The following TICRR variants were observed in gnomAD, a reference collection of about 807,000 sequenced individuals.
TICRR encodes treslin.
TICRR carries 132 observed loss-of-function variants against 178.1 expected under a neutral mutation model. That is an observed-to-expected ratio of 0.74 (90% confidence interval 0.64 to 0.86). TICRR has a LOEUF of 0.86. Among genes scored for constraint, TICRR ranks in the 40% least tolerant of loss-of-function variants. The probability of loss-of-function intolerance (pLI) is 0.00; values close to 1 mark genes in which losing one functional copy is unlikely to be tolerated. For missense variants in TICRR, 2,587 were observed against 2,334.3 expected (o/e 1.11, Z -2.23); for synonymous variants, 991 against 900.7 (o/e 1.10, Z -1.79).
intron 2 of TICRR, 89 bp from the exon 3 acceptor site, chr15:89,584,186 TTATTAAATCTC>T: frequency 4.2e-6 from 5 of 1,185,100 alleles, no homozygotes; most frequent in Non-Finnish European, 5.8e-6. Context: ...TTTCTTATTG[TTATTAAATCTC>T]TTTTTAGTAT....
intron 13 of TICRR, among the ~76,000 whole-genome samples, chr15:89,605,626 A>G (rs955858995): frequency 1.3e-5 from 2 of 152,188 alleles, no homozygotes; most frequent in African/African-American, 4.8e-5. Context: ...CCAAAGTGCT[A>G]GGATTACAGG....
intron 7 of TICRR, 144 bp downstream of exon 7, chr15:89,595,755 ATTC>A: frequency 3.1e-6 from 2 of 653,546 alleles, no homozygotes; most frequent in Non-Finnish European, 5.2e-6. Flanking sequence ...ATAATGTGCT[ATTC>A]TTAGATTTAT....
At chr15:89,615,081 A>T (rs1464202897) in intron 15 of TICRR, among the ~76,000 whole-genome samples, 2 of 152,204 alleles carry the variant, frequency 1.3e-5, no homozygotes, top group Non-Finnish European at 1.5e-5. Context: ...GTGATGTCTC[A>T]TTCCCCAATT....
intron 17 of TICRR, among the ~76,000 whole-genome samples, chr15:89,618,617 C>G (rs545301949): frequency 6.6e-6 from 1 of 152,202 alleles, no homozygotes; most frequent in African/African-American, 2.4e-5. Context: ...ATTCCGTGCC[C>G]CCAACACACA....
chr15:89,615,326 G>A (rs1461893174), intron 15 of TICRR, among the ~76,000 whole-genome samples: 1 of 152,190 alleles, frequency 6.6e-6, no homozygotes, highest in African/African-American at 2.4e-5. Flanking sequence ...TGAGAATGGA[G>A]TTTTGGAGGA....
chr15:89,602,898 T>G lies in TICRR; in HGVS notation c.2664+6T>G. 6.8e-7 allele frequency: 1 copy of G among 1,479,598 alleles called. No individual in the cohort carries two copies. Among genetic ancestry groups the G allele is most frequent in the Non-Finnish European group, 9.0e-7 (1 of 1,107,930 alleles). The allele number at this position is 1,479,598 out of a possible 1,614,324, so 91.7% of individuals were successfully genotyped here. ...CAAAGAGAGCTACGAAAAAAGTAAG[T>G]AAACCTTCCAGCTTGAGATGACACA... On this transcript the variant is annotated splice_donor_region_variant and intron_variant, in intron 13 of 21. Coordinates refer to ENST00000268138, the MANE Select transcript of TICRR (RefSeq NM_152259.4).
In TICRR at chr15:89,601,407, C is replaced by G. The variant is rs775390905; in HGVS notation, c.2247+16C>G. 1 of 1,613,230 alleles carries G rather than the reference C, an allele frequency of 6.2e-7. No homozygotes were observed. Among genetic ancestry groups the G allele is most frequent in the Admixed American group, 1.7e-5 (1 of 59,996 alleles). On this transcript the variant is annotated intron_variant, in intron 10 of 21. Coordinates refer to ENST00000268138, the MANE Select transcript of TICRR (RefSeq NM_152259.4). ...AGTGGAGGAGGCAAGTATATAGTTTCGTGCCATTGAAATACGCCCTAGATG... is the reference window on the plus strand; with the variant it reads ...AGTGGAGGAGGCAAGTATATAGTTTGGTGCCATTGAAATACGCCCTAGATG...
Position 89,627,519 on chromosome 15 carries a change from G to C in TICRR, c.*433G>C, listed in dbSNP as rs764429332. ...CTTTGTAAACTGTGAAGCCATATAC[G>C]TGAAACTGAAGAGTGCATTGGGCAG... On this transcript the variant is annotated 3_prime_UTR_variant, in exon 22 of 22. Transcript: ENST00000268138. 5.7e-6 allele frequency: 1 copy of C among 174,188 alleles called. No individual in the cohort carries two copies. The highest frequency in any genetic ancestry group is 5.8e-5 in the Admixed American group (1 of 17,298). The allele number at this position is 174,188 out of a possible 1,614,324, so 10.8% of individuals were successfully genotyped here.
In TICRR at chr15:89,585,918, T is replaced by C; in HGVS notation, c.1387T>C (p.Ser463Pro). 1 of 1,614,112 alleles carries C rather than the reference T, an allele frequency of 6.2e-7. No homozygotes were observed. The highest frequency in any genetic ancestry group is 8.5e-7 in the Non-Finnish European group (1 of 1,179,950). Residue 463 changes from serine (S) to proline (P), a missense_variant, in exon 4 of 22, where the codon TCG becomes CCG. By Grantham distance (74) the Ser-to-Pro change is moderately conservative (BLOSUM62 -1). Transcript: ENST00000268138. ...VDSILNQTHDSLADTASAASP... is the reference protein window; with the variant it reads ...VDSILNQTHDPLADTASAASP... ...TAGTATATTGAATCAGACTCATGATTCGCTTGCAGATACTGCTTCTGCTGG... is the reference window on the plus strand; with the variant it reads ...TAGTATATTGAATCAGACTCATGATCCGCTTGCAGATACTGCTTCTGCTGG...
intron 19 of TICRR, among the ~76,000 whole-genome samples, chr15:89,622,923 C>T (rs1963450457): frequency 6.6e-6 from 1 of 152,230 alleles, no homozygotes; most frequent in South Asian, 2.1e-4. Context: ...CTCGCATGTC[C>T]CTGTCACTGC....
In TICRR at chr15:89,624,605, A is replaced by C. The variant is rs768452769; in HGVS notation, c.4295A>C (p.Gln1432Pro). Reference sequence around the variant, plus strand: ...CAGAAGGGACTGAGCCTCTCTCCTCAGTCTCCTCCTGAAAGACGGGGCTAC... The same window carrying C: ...CAGAAGGGACTGAGCCTCTCTCCTCCGTCTCCTCCTGAAAGACGGGGCTAC... ...DDQKGLSLSP[Q>P]SPPERRGYPG... The change falls in exon 20 of 22, where the codon CAG becomes CCG. Residue 1432 changes from glutamine to proline, a missense_variant. Coordinates refer to ENST00000268138, the MANE Select transcript of TICRR (RefSeq NM_152259.4). The C allele has an allele frequency of 1.8e-5, 29 of 1,613,828 alleles. No homozygotes were observed. In the South Asian group the frequency reaches 3.1e-4, roughly 17 times the overall value.
intron 14 of TICRR, among the ~76,000 whole-genome samples, chr15:89,608,307 A>G (rs1268864985): frequency 1.3e-5 from 2 of 152,214 alleles, no homozygotes; most frequent in African/African-American, 4.8e-5. Flanking sequence ...AAACAGACTC[A>G]AGAAGAAATA....
intron 5 of TICRR, among the ~76,000 whole-genome samples, chr15:89,592,704 C>G (rs1962933180): frequency 1.3e-5 from 2 of 152,010 alleles, no homozygotes; most frequent in African/African-American, 4.8e-5. Flanking sequence ...TTTGAAAAGC[C>G]AAATAAAATA....
intron 7 of TICRR, among the ~76,000 whole-genome samples, chr15:89,596,281 C>A (rs1375876895): frequency 6.6e-6 from 1 of 151,962 alleles, no homozygotes; most frequent in Admixed American, 6.6e-5. Flanking sequence ...AATATTTATG[C>A]CTTCCATCTC....
At chr15:89,608,508 T>C (rs1311466625) in intron 14 of TICRR, among the ~76,000 whole-genome samples, 2 of 152,176 alleles carry the variant, frequency 1.3e-5, no homozygotes, top group Non-Finnish European at 2.9e-5. Flanking sequence ...GGAGAATGAA[T>C]AGTCTTTTGC....
chr15:89,619,533 A>G (rs1455318458), intron 17 of TICRR, among the ~76,000 whole-genome samples, 175 bp from the exon 18 acceptor site: 3 of 152,170 alleles, frequency 2.0e-5, no homozygotes, highest in Non-Finnish European at 4.4e-5. Flanking sequence ...GGGACCATGT[A>G]TCAAACCCCT....
intron 5 of TICRR, among the ~76,000 whole-genome samples, chr15:89,592,593 A>G (rs1296801512): frequency 6.6e-6 from 1 of 152,226 alleles, no homozygotes; most frequent in South Asian, 2.1e-4. Context: ...ATCCAACATG[A>G]GAAGTAAATA....
At chr15:89,616,294 C>T in intron 15 of TICRR, 111 bp from the exon 16 acceptor site, 1 of 796,700 alleles carries the variant, frequency 1.3e-6, no homozygotes, top group South Asian at 1.6e-5. Flanking sequence ...TTAAGATCCT[C>T]TCCAGCTAGG....
At position 89,601,753 on chromosome 15, in the gene TICRR, C is replaced by T; in HGVS notation, c.2344C>T (p.Pro782Ser). The change falls in exon 12 of 22, where the codon CCA (proline) becomes TCA (serine). Residue 782 changes from proline to serine, a missense_variant. Coordinates refer to ENST00000268138, the MANE Select transcript of TICRR (RefSeq NM_152259.4). ...GTTCCACAGGTATATTGACTCTATCCCAAAGACACTTGGAAATCTTTACAA... is the reference window on the plus strand; with the variant it reads ...GTTCCACAGGTATATTGACTCTATCTCAAAGACACTTGGAAATCTTTACAA... ...EILRLYIDSI[P>S]KTLGNLYNSL... The T allele has an allele frequency of 6.2e-7, 1 of 1,614,120 alleles. No homozygotes were observed. Among genetic ancestry groups the T allele is most frequent in the Admixed American group, 1.7e-5 (1 of 60,018 alleles).
Sources: gnomAD v4.1 joint callset for allele counts (sites outside exome capture counted in the v4.1 genomes callset) on GRCh38, gnomAD v4.1.1 for gene constraint, MANE v1.5 for transcripts, NCBI Gene and HGNC (gene_info 2026-07-23, HGNC 2026-07-21) for gene names.